SMG6: variants seen among roughly 807,000 people sequenced by gnomAD.
The protein encoded by SMG6 is SMG6 nonsense mediated mRNA decay factor.
SMG6 carries 66 observed loss-of-function variants against 142.2 expected under a neutral mutation model. That is an observed-to-expected ratio of 0.46 (90% CI 0.38 to 0.57). The LOEUF is 0.57. Among genes scored for constraint, SMG6 ranks in the 20% least tolerant of loss-of-function variants. The pLI, the probability that SMG6 is intolerant of heterozygous loss-of-function variation, is 0.00. For missense variants in SMG6, 1,793 were observed against 1,832.0 expected (o/e 0.98, Z 0.39); for synonymous variants, 779 against 702.4 (o/e 1.11, Z -1.72).
At chr17:2,277,027 T>C (rs903576237) in intron 8 of SMG6, among the ~76,000 whole-genome samples, 1 of 151,996 alleles carries the variant, frequency 6.6e-6, no homozygotes, top group Non-Finnish European at 1.5e-5. Context: ...GTGATCCGCC[T>C]GCCTCAGCCT....
chr17:2,262,411 C>G (rs1452449076), intron 8 of SMG6, among the ~76,000 whole-genome samples: 1 of 152,226 alleles, frequency 6.6e-6, no homozygotes, highest in Non-Finnish European at 1.5e-5. Flanking sequence ...TCAGTTCCAA[C>G]TGAGTGATCA....
intron 8 of SMG6, among the ~76,000 whole-genome samples, chr17:2,256,804 G>A (rs142152780): frequency 0.013 from 2,038 of 151,804 alleles, 27 homozygotes; most frequent in Non-Finnish European, 0.02. Flanking sequence ...GATTTGATAC[G>A]GATTAAATAG....
intron 8 of SMG6, among the ~76,000 whole-genome samples, chr17:2,259,860 C>T (rs1250442125): frequency 2.0e-5 from 3 of 152,188 alleles, no homozygotes; most frequent in Non-Finnish European, 2.9e-5. Context: ...CAAAGGAGAA[C>T]GAAGCTTCAG....
chr17:2,300,726 TA>T (rs2075262789), intron 1 of SMG6, 62 bp from the exon 2 acceptor site: 5 of 1,423,486 alleles, frequency 3.5e-6, no homozygotes, highest in Middle Eastern at 1.9e-4. Context: ...AGAAGGAAGA[TA>T]GGGGAAAGAC....
At chr17:2,107,692 T>C (rs1456335387) in intron 13 of SMG6, among the ~76,000 whole-genome samples, 1 of 152,128 alleles carries the variant, frequency 6.6e-6, no homozygotes. Context: ...GTTATTTAAC[T>C]TGGAGCTGGA....
chr17:2,150,150 C>G (rs954765287), intron 13 of SMG6, among the ~76,000 whole-genome samples: 1 of 152,222 alleles, frequency 6.6e-6, no homozygotes, highest in African/African-American at 2.4e-5. Flanking sequence ...CCTGTCAAGT[C>G]AGCAGCAGCA....
chr17:2,195,939 G>A (rs903787895), intron 10 of SMG6, among the ~76,000 whole-genome samples: 1 of 152,120 alleles, frequency 6.6e-6, no homozygotes, highest in African/African-American at 2.4e-5. Flanking sequence ...CCTTTGCTAT[G>A]AACATGAAAA....
intron 8 of SMG6, among the ~76,000 whole-genome samples, chr17:2,250,922 C>T (rs750948701): frequency 6.6e-6 from 1 of 152,062 alleles, no homozygotes; most frequent in Non-Finnish European, 1.5e-5. Context: ...CTCATCCCTG[C>T]GCTCCTATGC....
intron 7 of SMG6, 143 bp downstream of exon 7, chr17:2,283,482 G>A (rs1465562809): frequency 1.0e-5 from 7 of 679,290 alleles, no homozygotes; most frequent in African/African-American, 1.8e-5. Flanking sequence ...CATTCCCCGA[G>A]GACACACAGA....
intron 10 of SMG6, chr17:2,199,981 G>A (rs1012920367): frequency 1.3e-5 from 2 of 149,228 alleles, no homozygotes; most frequent in African/African-American, 4.9e-5. Flanking sequence ...GAGTGTAGTG[G>A]TACAATCTTA....
chr17:2,135,658 T>C (rs1225494523), intron 13 of SMG6, among the ~76,000 whole-genome samples: 1 of 152,220 alleles, frequency 6.6e-6, no homozygotes, highest in East Asian at 1.9e-4. Flanking sequence ...GAAGAATTGA[T>C]TTTTCAATTT....
At chr17:2,186,531 T>C in intron 12 of SMG6, 132 bp downstream of exon 12, 1 of 1,061,370 alleles carries the variant, frequency 9.4e-7, no homozygotes, top group African/African-American at 1.6e-5. Flanking sequence ...TCAAAAAAAG[T>C]TCAAATAAAG....
intron 10 of SMG6, chr17:2,235,829 CATTTAAA>C (rs1456803701): frequency 6.6e-6 from 1 of 152,536 alleles, no homozygotes; most frequent in Non-Finnish European, 1.5e-5. Context: ...GTCATCAGAA[CATTTAAA>C]ACCCTGCCAA....
chr17:2,180,522 A>C (rs958312492), intron 12 of SMG6, among the ~76,000 whole-genome samples: 2 of 151,826 alleles, frequency 1.3e-5, no homozygotes, highest in African/African-American at 2.4e-5. Flanking sequence ...TGCCCTCATC[A>C]CTCTGCAGTG....
chr17:2,090,552 C>T (rs1190767015), intron 13 of SMG6, among the ~76,000 whole-genome samples: 5 of 152,208 alleles, frequency 3.3e-5, no homozygotes, highest in African/African-American at 4.8e-5. Flanking sequence ...TACCTGGTCC[C>T]CGTTTTCTCC....
At chr17:2,124,961 A>G (rs1401589461) in intron 13 of SMG6, among the ~76,000 whole-genome samples, 2 of 152,196 alleles carry the variant, frequency 1.3e-5, no homozygotes, top group East Asian at 3.8e-4. Context: ...AGAATGATGA[A>G]CAAGGTACAT....
At chr17:2,080,644 T>G (rs1466740616) in intron 15 of SMG6, among the ~76,000 whole-genome samples, 1 of 151,776 alleles carries the variant, frequency 6.6e-6, no homozygotes, top group Non-Finnish European at 1.5e-5. Flanking sequence ...TTTTTTCTTT[T>G]TTTTTTTTTG....
intron 15 of SMG6, among the ~76,000 whole-genome samples, chr17:2,072,162 G>A (rs1266629682): frequency 6.6e-6 from 1 of 152,150 alleles, no homozygotes; most frequent in Non-Finnish European, 1.5e-5. Context: ...TGAGTAAAAA[G>A]CTGCAGAAGC....
At chr17:2,126,489 G>A (rs1362491666) in intron 13 of SMG6, among the ~76,000 whole-genome samples, 1 of 152,094 alleles carries the variant, frequency 6.6e-6, no homozygotes, top group African/African-American at 2.4e-5. Context: ...ACTTTGGGAG[G>A]CTGAGGCAGG....
Sources: gnomAD v4.1 joint callset for allele counts (sites outside exome capture counted in the v4.1 genomes callset) on GRCh38, gnomAD v4.1.1 for gene constraint, MANE v1.5 for transcripts, NCBI Gene and HGNC (gene_info 2026-07-23, HGNC 2026-07-21) for gene names.